The following A3GALT2 variants were observed in gnomAD, a reference collection of about 807,000 sequenced individuals.
The protein encoded by A3GALT2 is alpha-1,3-galactosyltransferase 2.
A3GALT2 carries 14 observed loss-of-function variants against 16.6 expected under a neutral mutation model. The observed-to-expected ratio is 0.84, with a 90% CI of 0.56 to 1.32. The LOEUF (loss-of-function observed/expected upper bound fraction) is 1.32. Ranked by LOEUF, A3GALT2 falls within the 40% of genes most tolerant of loss-of-function variation. The pLI, the probability that A3GALT2 is intolerant of heterozygous loss-of-function variation, is 0.00. For synonymous variants in A3GALT2, 253 were observed against 218.0 expected (o/e 1.16, Z -1.42); for missense variants, 600 against 490.9 (o/e 1.22, Z -2.10).
intron 1 of A3GALT2, among the ~76,000 whole-genome samples, chr1:33,319,675 T>C (rs1646276850): frequency 6.6e-6 from 1 of 152,080 alleles, no homozygotes; most frequent in Non-Finnish European, 1.5e-5. Context: ...GGGCGTTCGT[T>C]CTTGCCTGGG....
chr1:33,306,908 A>G lies in A3GALT2; in HGVS notation c.881T>C (p.Leu294Pro). The G allele has an allele frequency of 6.6e-7, 1 of 1,522,838 alleles. No homozygotes were observed. The allele number at this position is 1,522,838 out of a possible 1,614,324, so 94.3% of individuals were successfully genotyped here. Reference sequence around the variant, plus strand: ...CTTGTGCAGCCAGAAGAACTTGTTGAGGTGGCTCTCGTCGTGCCAGCGCGC... The same window carrying G: ...CTTGTGCAGCCAGAAGAACTTGTTGGGGTGGCTCTCGTCGTGCCAGCGCGC... ...LEARWHDESH[L>P]NKFFWLHKPA... Residue 294 changes from leucine (L) to proline (P), a missense_variant, in exon 5 of 5, where the codon CTC becomes CCC. Physicochemically the swap from Leu to Pro is moderately conservative, Grantham distance 98. Transcript: ENST00000442999.
Position 33,312,464 on chromosome 1 carries a change from G to A in A3GALT2, c.197+37C>T, listed in dbSNP as rs758581550. 32 of 1,526,766 alleles carry A rather than the reference G, an allele frequency of 2.1e-5. No individual in the cohort carries two copies. The African/African-American group carries it at 4.1e-4, about 20-fold the overall frequency. The allele number at this position is 1,526,766 out of a possible 1,614,324, so 94.6% of individuals were successfully genotyped here. On this transcript the variant is annotated intron_variant, in intron 3 of 4. Coordinates refer to ENST00000442999, the MANE Select transcript of A3GALT2 (RefSeq NM_001080438.1). Reference sequence around the variant, plus strand: ...TGGGGCAGAGCTGTGTAGGGTTTGGGGGTGCCCTTGGAGTAGGAGGGATGG... The same window carrying A: ...TGGGGCAGAGCTGTGTAGGGTTTGGAGGTGCCCTTGGAGTAGGAGGGATGG...
intron 4 of A3GALT2, among the ~76,000 whole-genome samples, chr1:33,310,676 T>C (rs1367729979): frequency 6.6e-6 from 1 of 152,330 alleles, no homozygotes; most frequent in Non-Finnish European, 1.5e-5. Context: ...TTACTTGCAC[T>C]TGCTCTATTC....
chr1:33,311,949 G>T lies in A3GALT2; in HGVS notation c.335+103C>A. ...TGTCTTTGCTTCTCGCTTCACTTTG[G>T]GATCCCATGGCACAGGGGAGCAGGG... is the stretch of plus-strand genomic sequence containing the variant. On this transcript the variant is annotated intron_variant, in intron 4 of 4. Transcript: ENST00000442999. 3 of 1,489,676 alleles carry T rather than the reference G, an allele frequency of 2.0e-6. No individual in the cohort carries two copies. In the Admixed American group the frequency reaches 6.2e-5, roughly 31 times the overall value. 92.3% of individuals were successfully genotyped at this position (1,489,676 alleles called of 1,614,324 possible).
chr1:33,307,366 G>A lies in A3GALT2; in HGVS notation c.423C>T (p.Thr141=), dbSNP rs1312277133. The A allele has an allele frequency of 6.4e-7, 1 of 1,552,680 alleles. No individual in the cohort carries two copies. The highest frequency in any genetic ancestry group is 8.6e-7 in the Non-Finnish European group (1 of 1,156,674). ...AGQSVMYYVF[T]ELPGAVPRVA... ...CGCGGGGCACCGCTCCCGGAAGCTC[G>A]GTGAACACGTAGTACATCACGCTCT... Residue 141 remains threonine (T), a synonymous_variant, in exon 5 of 5, where the codon ACC becomes ACT. Transcript: ENST00000442999.
Position 33,306,885 on chromosome 1 carries a change from T to C in A3GALT2, c.904A>G (p.Lys302Glu). 1 of 1,521,522 alleles carries C rather than the reference T, an allele frequency of 6.6e-7. No individual in the cohort carries two copies. Among genetic ancestry groups the C allele is most frequent in the Non-Finnish European group, 8.8e-7 (1 of 1,140,188 alleles). 94.3% of individuals were successfully genotyped at this position (1,521,522 alleles called of 1,614,324 possible). A position where few individuals can be genotyped will look rare whatever the true frequency, so the allele number is the denominator to read the frequency against. Residue 302 changes from lysine to glutamate, a missense_variant, in exon 5 of 5, where the codon AAG becomes GAG. Lys to Glu is a moderately conservative substitution (Grantham distance 56). Transcript: ENST00000442999. ...TCGGGCGACAGCACCTTGGCGGGCTTGTGCAGCCAGAAGAACTTGTTGAGG... is the reference window on the plus strand; with the variant it reads ...TCGGGCGACAGCACCTTGGCGGGCTCGTGCAGCCAGAAGAACTTGTTGAGG... Reference protein sequence around the residue: ...SHLNKFFWLHKPAKVLSPEFC... With the variant: ...SHLNKFFWLHEPAKVLSPEFC...
At chr1:33,315,907 T>G (rs928698711) in intron 1 of A3GALT2, among the ~76,000 whole-genome samples, 2 of 151,900 alleles carry the variant, frequency 1.3e-5, no homozygotes, top group Non-Finnish European at 1.5e-5. Flanking sequence ...GGGTGCGGAG[T>G]CAGGAAGATG....
rs1259907671 is a variant in A3GALT2, at chr1:33,307,419, T to C, written c.370A>G (p.Thr124Ala). Residue 124 changes from threonine (T) to alanine (A), a missense_variant, in exon 5 of 5, where the codon ACG becomes GCG. Physicochemically the swap from Thr to Ala is moderately conservative, Grantham distance 58 (BLOSUM62 0). Coordinates refer to ENST00000442999, the MANE Select transcript of A3GALT2 (RefSeq NM_001080438.1). ...LEKYLERFLE[T>A]AEQHFMAGQS... is the part of the protein sequence containing the mutation. ...CCCGCCATGAAGTGCTGCTCCGCCGTCTCCAGGAAGCGCTCCAGGTACTTC... is the reference window on the plus strand; with the variant it reads ...CCCGCCATGAAGTGCTGCTCCGCCGCCTCCAGGAAGCGCTCCAGGTACTTC... 1 of 1,546,826 alleles carries C rather than the reference T, an allele frequency of 6.5e-7. No homozygotes were observed.
intron 1 of A3GALT2, among the ~76,000 whole-genome samples, chr1:33,314,991 A>G (rs1646254653): frequency 6.6e-6 from 1 of 152,132 alleles, no homozygotes; most frequent in Non-Finnish European, 1.5e-5. Flanking sequence ...TTGTGCATGT[A>G]ATCCCAGTGT....
chr1:33,307,136 G>A lies in A3GALT2; in HGVS notation c.653C>T (p.Ala218Val), dbSNP rs1374040471. 10 of 1,543,356 alleles carry A rather than the reference G, an allele frequency of 6.5e-6. No homozygotes were observed. The highest frequency in any genetic ancestry group is 8.7e-6 in the Non-Finnish European group (10 of 1,147,686). The change falls in exon 5 of 5, where the codon GCG becomes GTG. Residue 218 changes from alanine (A) to valine (V), a missense_variant. Transcript: ENST00000442999. ...GTGGTAGTGCCAGGAGTGCAGCTGC[G>A]CCACCGACTCGGCCAGCGCCTCGGG... ...FGPEALAESV[A>V]QLHSWHYHWP... is the part of the protein sequence containing the mutation.
At position 33,320,763 on chromosome 1, in the gene A3GALT2, G is replaced by C. The variant is rs548650345; in HGVS notation, c.23+313C>G. On this transcript the variant is annotated intron_variant, in intron 1 of 4. Coordinates refer to ENST00000442999, the MANE Select transcript of A3GALT2 (RefSeq NM_001080438.1). This position sits in a 1 kb window ranked among gnomAD's most constrained non-coding sequence, Gnocchi z 4.3. ...ACAGTCGGGGAGGGAATGTACCCCCGGGTCTCTGCTTTCCGGCTCGCCAAG... is the reference window on the plus strand; with the variant it reads ...ACAGTCGGGGAGGGAATGTACCCCCCGGTCTCTGCTTTCCGGCTCGCCAAG... Among the ~76,000 whole-genome samples the C allele has an allele frequency of 6.6e-6, 1 of 151,980 alleles. No homozygotes were observed. The highest frequency in any genetic ancestry group is 1.5e-5 in the Non-Finnish European group (1 of 68,032).
chr1:33,306,995 A>G lies in A3GALT2; in HGVS notation c.794T>C (p.Leu265Pro), dbSNP rs1199585985. 1.4e-5 allele frequency: 20 copies of G among 1,462,164 alleles called. No individual in the cohort carries two copies. Among genetic ancestry groups the G allele is most frequent in the African/African-American group, 3.0e-5 (2 of 67,610 alleles). 90.6% of individuals were successfully genotyped at this position (1,462,164 alleles called of 1,614,324 possible). ...AAVFGGSVAA[L>P]RGLTAHCAGG... ...CGCACAGTGCGCCGTCAGCCCGCGC[A>G]GCGCCGCCACGCTGCCCCCGAACAC... The change falls in exon 5 of 5, where the codon CTG (leucine) becomes CCG (proline). Residue 265 changes from leucine (L) to proline (P), a missense_variant. Physicochemically the swap from Leu to Pro is moderately conservative, Grantham distance 98 (BLOSUM62 -3). Coordinates refer to ENST00000442999, the MANE Select transcript of A3GALT2 (RefSeq NM_001080438.1).
At chr1:33,312,624 C>A in intron 2 of A3GALT2, 34 bp from the exon 3 acceptor site, 1 of 1,535,130 alleles carries the variant, frequency 6.5e-7, no homozygotes, top group South Asian at 1.2e-5. Context: ...GGCAGGCAGC[C>A]GTGAGAAGCA....
Position 33,306,905 on chromosome 1 carries a change from T to A in A3GALT2, c.884A>T (p.Asn295Ile). 1 of 1,522,698 alleles carries A rather than the reference T, an allele frequency of 6.6e-7. No individual in the cohort carries two copies. Among genetic ancestry groups the A allele is most frequent in the Non-Finnish European group, 8.8e-7 (1 of 1,140,820 alleles). 94.3% of individuals were successfully genotyped at this position (1,522,698 alleles called of 1,614,324 possible). A position where few individuals can be genotyped will look rare whatever the true frequency, so the allele number is the denominator to read the frequency against. The change falls in exon 5 of 5, where the codon AAC becomes ATC. Residue 295 changes from asparagine to isoleucine, a missense_variant. Physicochemically the swap from Asn to Ile is moderately radical, Grantham distance 149. Coordinates refer to ENST00000442999, the MANE Select transcript of A3GALT2 (RefSeq NM_001080438.1). ...EARWHDESHL[N>I]KFFWLHKPAK... ...GGGCTTGTGCAGCCAGAAGAACTTGTTGAGGTGGCTCTCGTCGTGCCAGCG... is the reference window on the plus strand; with the variant it reads ...GGGCTTGTGCAGCCAGAAGAACTTGATGAGGTGGCTCTCGTCGTGCCAGCG...
At chr1:33,308,083 C>A in intron 4 of A3GALT2, among the ~76,000 whole-genome samples, 1 of 62,694 alleles carries the variant, frequency 1.6e-5, no homozygotes, top group Non-Finnish European at 2.8e-5. Flanking sequence ...CTGGTCCTCC[C>A]CACACCCGGC....
chr1:33,307,074 G>A lies in A3GALT2; in HGVS notation c.715C>T (p.His239Tyr), dbSNP rs1646197432. The change falls in exon 5 of 5, where the codon CAT becomes TAT. Residue 239 changes from histidine (H) to tyrosine (Y), a missense_variant. By Grantham distance (83) the His-to-Tyr change is moderately conservative. Coordinates refer to ENST00000442999, the MANE Select transcript of A3GALT2 (RefSeq NM_001080438.1). ...CCCCACGCCATCGCGGCGGCCGAAT[G>A]CGCGTCGCGTTCGAAGGGCAGCAGC... is the stretch of plus-strand genomic sequence containing the variant. The part of the protein sequence containing the change: ...SWLLPFERDA[H>Y]SAAAMAWGQG... 1 of 1,519,560 alleles carries A rather than the reference G, an allele frequency of 6.6e-7. No homozygotes were observed. The highest frequency in any genetic ancestry group is 1.2e-5 in the South Asian group (1 of 81,428). 94.1% of individuals were successfully genotyped at this position (1,519,560 alleles called of 1,614,324 possible).
chr1:33,318,056 GAAT>G (rs1411283139), intron 1 of A3GALT2, among the ~76,000 whole-genome samples: 1 of 152,186 alleles, frequency 6.6e-6, no homozygotes, highest in East Asian at 1.9e-4. Flanking sequence ...GAAAAGGAAG[GAAT>G]AACTAATACG....
Position 33,312,906 on chromosome 1 carries a change from G to A in A3GALT2, c.24-16C>T. On this transcript the variant is annotated splice_polypyrimidine_tract_variant and intron_variant, in intron 1 of 4. Transcript: ENST00000442999. Reference sequence around the variant, plus strand: ...CTTCCAGGCCCTGGGGGCGGGAGGGGGGCATCAGTAACTCATTTATATGTA... The same window carrying A: ...CTTCCAGGCCCTGGGGGCGGGAGGGAGGCATCAGTAACTCATTTATATGTA... 6.3e-7 allele frequency: 1 copy of A among 1,586,884 alleles called. No individual in the cohort carries two copies. Among genetic ancestry groups the A allele is most frequent in the Non-Finnish European group, 8.6e-7 (1 of 1,162,572 alleles).
At chr1:33,319,332 G>A (rs1032372968) in intron 1 of A3GALT2, among the ~76,000 whole-genome samples, 6 of 152,176 alleles carry the variant, frequency 3.9e-5, no homozygotes, top group Non-Finnish European at 7.3e-5. Flanking sequence ...ATACCTCAGG[G>A]CAGCGCTCAG....
Sources: gnomAD v4.1 joint callset for allele counts (sites outside exome capture counted in the v4.1 genomes callset) on GRCh38, gnomAD v4.1.1 for gene constraint, Gnocchi (gnomAD v3.1) non-coding constraint, MANE v1.5 for transcripts, NCBI Gene and HGNC (gene_info 2026-07-23, HGNC 2026-07-21) for gene names.